AKT3: variants seen among roughly 807,000 people sequenced by gnomAD.
AKT3 encodes the protein AKT serine/threonine kinase 3.
Under a neutral mutation model 65.3 loss-of-function variants are expected in AKT3, and 15 were observed. The observed-to-expected ratio is 0.23, with a 90% CI of 0.15 to 0.35. The LOEUF is 0.35. Among genes scored for constraint, AKT3 ranks in the 10% least tolerant of loss-of-function variants. The pLI is 1.00. For synonymous variants in AKT3, 206 were observed against 183.8 expected, an observed-to-expected ratio of 1.12 and a Z score of -0.98; for missense variants, 243 against 576.5, an observed-to-expected ratio of 0.42 and a Z score of 5.92.
chr1:243,488,969 G>A (rs771259898), intron 13 of AKT3: 24 of 1,612,716 alleles, frequency 1.5e-5, no homozygotes, highest in Non-Finnish European at 2.0e-5. Flanking sequence ...CCTGTTGAAA[G>A]GCTGACGTTA....
chr1:243,599,771 T>A (rs974352238), intron 8 of AKT3, among the ~76,000 whole-genome samples: 1 of 152,110 alleles, frequency 6.6e-6, no homozygotes, highest in African/African-American at 2.4e-5. Flanking sequence ...AAATTAGGTA[T>A]AAAGCAAGGA....
At chr1:243,780,571 AT>A (rs1690843272) in intron 2 of AKT3, among the ~76,000 whole-genome samples, 1 of 151,384 alleles carries the variant, frequency 6.6e-6, no homozygotes, top group South Asian at 2.1e-4. Context: ...GTATTTAAAA[AT>A]ATGTTTAAAA....
intron 1 of AKT3, among the ~76,000 whole-genome samples, chr1:243,847,165 A>T (rs1489662061): frequency 6.6e-6 from 1 of 152,218 alleles, no homozygotes; most frequent in African/African-American, 2.4e-5. Context: ...TTGTATTATT[A>T]ATGCATATTA....
chr1:243,669,404 G>A (rs2147936484), intron 3 of AKT3, among the ~76,000 whole-genome samples: 1 of 152,158 alleles, frequency 6.6e-6, no homozygotes, highest in East Asian at 1.9e-4. Flanking sequence ...CAGAAGCAAA[G>A]AAAGAATGCC....
intron 3 of AKT3, among the ~76,000 whole-genome samples, chr1:243,679,603 G>T (rs999232629): frequency 6.6e-6 from 1 of 152,118 alleles, no homozygotes; most frequent in African/African-American, 2.4e-5. Flanking sequence ...ATGTCTTTCT[G>T]TCAGTATCAG....
intron 8 of AKT3, among the ~76,000 whole-genome samples, chr1:243,583,518 T>A (rs528037082): frequency 7.6e-6 from 1 of 131,918 alleles, no homozygotes; most frequent in Non-Finnish European, 1.5e-5. Flanking sequence ...ACTGACCACA[T>A]GCTCGTCCTT....
intron 3 of AKT3, among the ~76,000 whole-genome samples, chr1:243,675,373 G>A (rs1461516932): frequency 1.3e-5 from 2 of 152,114 alleles, no homozygotes; most frequent in African/African-American, 2.4e-5. Flanking sequence ...CTAATTTTTT[G>A]TATTTTTAGT....
chr1:243,641,637 T>C (rs73124169), intron 5 of AKT3, among the ~76,000 whole-genome samples: 36,056 of 152,004 alleles, frequency 0.24, 4,622 homozygotes, highest in East Asian at 0.32. Flanking sequence ...TCCTTAAGAA[T>C]TGCAATCCTT....
chr1:243,490,532 G>A (rs374082164), intron 13 of AKT3, among the ~76,000 whole-genome samples: 62 of 152,360 alleles, frequency 4.1e-4, no homozygotes, highest in African/African-American at 1.4e-3. Context: ...GTGTCACTGT[G>A]CTGAATCCCC....
intron 4 of AKT3, among the ~76,000 whole-genome samples, chr1:243,664,489 C>G (rs559362225): frequency 6.6e-6 from 1 of 151,892 alleles, no homozygotes; most frequent in Non-Finnish European, 1.5e-5. Context: ...CAGGCGTGAG[C>G]CACCGCGCCA....
chr1:243,587,907 T>C (rs181533717), intron 8 of AKT3, among the ~76,000 whole-genome samples: 1 of 152,276 alleles, frequency 6.6e-6, no homozygotes, highest in East Asian at 1.9e-4. Context: ...TTGATGGGCA[T>C]ATCTAAAACA....
At chr1:243,648,689 A>G (rs566185771) in intron 4 of AKT3, among the ~76,000 whole-genome samples, 4 of 152,296 alleles carry the variant, frequency 2.6e-5, no homozygotes, top group Non-Finnish European at 4.4e-5. Context: ...ACGCACCAAT[A>G]AGGCTGTCTG....
At chr1:243,817,515 C>T (rs1322271770) in intron 2 of AKT3, among the ~76,000 whole-genome samples, 3 of 151,950 alleles carry the variant, frequency 2.0e-5, no homozygotes, top group Admixed American at 6.5e-5. Flanking sequence ...CTGAGGTGGG[C>T]GAATCACTTG....
intron 2 of AKT3, among the ~76,000 whole-genome samples, chr1:243,833,946 G>A (rs1694711023): frequency 6.7e-6 from 1 of 150,364 alleles, no homozygotes; most frequent in Admixed American, 6.6e-5. Context: ...TTTTAAAACT[G>A]TATATAGGAT....
At chr1:243,703,334 T>C (rs1400469246) in intron 2 of AKT3, among the ~76,000 whole-genome samples, 1 of 152,210 alleles carries the variant, frequency 6.6e-6, no homozygotes, top group African/African-American at 2.4e-5. Context: ...TTGCAGTATT[T>C]AAAATTACTG....
intron 2 of AKT3, among the ~76,000 whole-genome samples, chr1:243,764,150 C>T (rs966388943): frequency 2.6e-5 from 4 of 152,034 alleles, no homozygotes; most frequent in Non-Finnish European, 4.4e-5. Context: ...CTACTTTATG[C>T]CTCTATTTGC....
chr1:243,771,051 C>T (rs1453106986), intron 2 of AKT3, among the ~76,000 whole-genome samples: 1 of 152,148 alleles, frequency 6.6e-6, no homozygotes, highest in Non-Finnish European at 1.5e-5. Context: ...AAGCTAAATA[C>T]TGCATTCATA....
At chr1:243,509,955 C>T (rs1184648665) in intron 13 of AKT3, among the ~76,000 whole-genome samples, 1 of 152,186 alleles carries the variant, frequency 6.6e-6, no homozygotes, top group Non-Finnish European at 1.5e-5. Context: ...TGGGCTTTTT[C>T]AGCCTCACTC....
intron 6 of AKT3, among the ~76,000 whole-genome samples, chr1:243,615,911 A>G (rs1678266097): frequency 6.6e-6 from 1 of 151,450 alleles, no homozygotes; most frequent in Non-Finnish European, 1.5e-5. Context: ...ATGCTTCCTT[A>G]TTTATTTTTT....
Sources: gnomAD v4.1 joint callset for allele counts (sites outside exome capture counted in the v4.1 genomes callset) on GRCh38, gnomAD v4.1.1 for gene constraint, MANE v1.5 for transcripts, NCBI Gene and HGNC (gene_info 2026-07-23, HGNC 2026-07-21) for gene names.